SV2C: variants seen among roughly 807,000 people sequenced by gnomAD.
The protein encoded by SV2C is solute carrier family 22 member B3.
SV2C carries 49 observed loss-of-function variants against 79.7 expected under a neutral mutation model. The ratio of observed to expected loss-of-function variants is 0.61; its 90% CI spans 0.49 to 0.78. The LOEUF is 0.78. Among genes scored for constraint, SV2C ranks in the 30% least tolerant of loss-of-function variants. The pLI is 0.00. For missense variants in SV2C, 833 were observed against 912.9 expected (o/e 0.91, Z 1.13); for synonymous variants, 334 against 333.2 (o/e 1.00, Z -0.03).
At chr5:76,340,879 G>A (rs1322751510) in intron 12 of SV2C, among the ~76,000 whole-genome samples, 1 of 151,570 alleles carries the variant, frequency 6.6e-6, no homozygotes, top group Non-Finnish European at 1.5e-5. Context: ...CAAAGTACTG[G>A]GATTACAGTC....
the SV2C span, among the ~76,000 whole-genome samples, chr5:75,959,487 TG>T: frequency 6.6e-6 from 1 of 151,988 alleles, no homozygotes; most frequent in Non-Finnish European, 1.5e-5. Context: ...GTAGTGGACA[TG>T]GCATTGATAT....
chr5:76,108,019 G>A (rs181223517), intron 1 of SV2C, among the ~76,000 whole-genome samples: 1 of 152,118 alleles, frequency 6.6e-6, no homozygotes, highest in African/African-American at 2.4e-5. Flanking sequence ...TTGGGAAAAG[G>A]TCAATCACAT....
chr5:75,864,241 G>T, the SV2C span, among the ~76,000 whole-genome samples: 1 of 152,046 alleles, frequency 6.6e-6, no homozygotes. Flanking sequence ...GCCTTGTTCA[G>T]AAATAATATA....
the SV2C span, among the ~76,000 whole-genome samples, chr5:76,024,797 C>T: frequency 3.9e-5 from 6 of 152,068 alleles, no homozygotes; most frequent in African/African-American, 1.4e-4. Flanking sequence ...TTGACCCTCC[C>T]TATATGCAGG....
chr5:76,152,197 G>A (rs752018433), intron 2 of SV2C, among the ~76,000 whole-genome samples: 10 of 152,296 alleles, frequency 6.6e-5, no homozygotes, highest in Admixed American at 2.0e-4. Flanking sequence ...AGGGTGGCAG[G>A]GACAGATGTC....
the SV2C span, among the ~76,000 whole-genome samples, chr5:76,012,938 G>A: frequency 6.6e-6 from 1 of 152,082 alleles, no homozygotes. Flanking sequence ...TATTTCTGAG[G>A]CCTCTGTTCT....
intron 4 of SV2C, among the ~76,000 whole-genome samples, chr5:76,255,730 C>T (rs1161243080): frequency 6.6e-6 from 1 of 152,142 alleles, no homozygotes; most frequent in Non-Finnish European, 1.5e-5. Context: ...CACGCCTGGC[C>T]ACCTTATGCG....
intron 1 of SV2C, among the ~76,000 whole-genome samples, chr5:76,120,245 A>G (rs1219506635): frequency 1.3e-5 from 2 of 151,870 alleles, no homozygotes; most frequent in Non-Finnish European, 2.9e-5. Flanking sequence ...GTGACTATAT[A>G]CTTATGAAAA....
Position 76,301,461 on chromosome 5 carries a change from T to C in SV2C, c.1916T>C (p.Met639Thr), listed in dbSNP as rs1309779511. The C allele has an allele frequency of 1.2e-6, 2 of 1,614,120 alleles. No individual in the cohort carries two copies. Among genetic ancestry groups the C allele is most frequent in the South Asian group, 1.1e-5 (1 of 91,076 alleles). Residue 639 changes from methionine to threonine, a missense_variant, in exon 12 of 13, where the codon ATG becomes ACG. Coordinates refer to ENST00000502798, the MANE Select transcript of SV2C (RefSeq NM_014979.4). Reference protein sequence around the residue: ...FGTSESMMIGMLCLYNGLTIS... With the variant: ...FGTSESMMIGTLCLYNGLTIS... ...ACCAGTGAATCCATGATGATAGGCATGCTGTGTCTGTACAATGGATTGACC... is the reference window on the plus strand; with the variant it reads ...ACCAGTGAATCCATGATGATAGGCACGCTGTGTCTGTACAATGGATTGACC...
At chr5:75,982,678 G>A in the SV2C span, among the ~76,000 whole-genome samples, 15 of 152,126 alleles carry the variant, frequency 9.9e-5, no homozygotes, top group Non-Finnish European at 4.4e-5. Context: ...GTTTATTGTA[G>A]CACTATTCAC....
the SV2C span, among the ~76,000 whole-genome samples, chr5:75,898,465 T>G: frequency 6.6e-6 from 1 of 152,208 alleles, no homozygotes; most frequent in Non-Finnish European, 1.5e-5. Flanking sequence ...CTGGATTCAG[T>G]TTGCCAGTAT....
intron 12 of SV2C, among the ~76,000 whole-genome samples, chr5:76,339,771 C>G (rs187327502): frequency 2.6e-5 from 4 of 152,206 alleles, no homozygotes; most frequent in Admixed American, 2.6e-4. Flanking sequence ...CCCACATACT[C>G]TCTGTGCTGA....
intron 3 of SV2C, among the ~76,000 whole-genome samples, chr5:76,198,938 G>T (rs1580348421): frequency 6.6e-6 from 1 of 152,166 alleles, no homozygotes; most frequent in Non-Finnish European, 1.5e-5. Context: ...AGCTCTTCCA[G>T]TTCCCACCTT....
At chr5:76,208,539 C>T (rs2112352599) in intron 3 of SV2C, among the ~76,000 whole-genome samples, 1 of 152,298 alleles carries the variant, frequency 6.6e-6, no homozygotes, top group Middle Eastern at 3.4e-3. Context: ...TAGTTTGCTG[C>T]CAAAATGACC....
chr5:75,968,763 C>T, the SV2C span, among the ~76,000 whole-genome samples: 1 of 152,130 alleles, frequency 6.6e-6, no homozygotes, highest in African/African-American at 2.4e-5. Context: ...AGGATATTAT[C>T]CAGGAGAACT....
At chr5:76,004,359 A>G in the SV2C span, among the ~76,000 whole-genome samples, 1 of 152,328 alleles carries the variant, frequency 6.6e-6, no homozygotes, top group East Asian at 1.9e-4. Context: ...TTGGACGTCA[A>G]CTAAGCTCTC....
intron 4 of SV2C, among the ~76,000 whole-genome samples, chr5:76,234,070 T>C (rs1429363307): frequency 6.6e-6 from 1 of 152,196 alleles, no homozygotes; most frequent in Non-Finnish European, 1.5e-5. Context: ...TTTAAACAAA[T>C]GTTATTTGCT....
chr5:76,140,987 T>C (rs1252870024), intron 2 of SV2C, among the ~76,000 whole-genome samples: 2 of 152,214 alleles, frequency 1.3e-5, no homozygotes, highest in Non-Finnish European at 2.9e-5. Context: ...CAAAATCTTA[T>C]TTGGATTCAT....
chr5:76,075,796 T>C, the SV2C span: 1 of 251,738 alleles, frequency 4.0e-6, no homozygotes, highest in East Asian at 1.2e-4. Flanking sequence ...GGAAGTGTCA[T>C]GTCTGGTAGA....
Sources: gnomAD v4.1 joint callset for allele counts (sites outside exome capture counted in the v4.1 genomes callset) on GRCh38, gnomAD v4.1.1 for gene constraint, MANE v1.5 for transcripts, NCBI Gene and HGNC (gene_info 2026-07-23, HGNC 2026-07-21) for gene names.